Variants in NFIB observed in about 807,000 individuals in gnomAD.
NFIB encodes nuclear factor 1 B-type.
Under a neutral mutation model 61.5 loss-of-function variants are expected in NFIB, and 11 were observed. That is an observed-to-expected ratio of 0.18 (90% CI 0.11 to 0.30). The LOEUF (loss-of-function observed/expected upper bound fraction) is 0.30. Among genes scored for constraint, NFIB ranks in the 10% least tolerant of loss-of-function variants. The pLI is 1.00. For synonymous variants in NFIB, 260 were observed against 216.5 expected, an observed-to-expected ratio of 1.20 and a Z score of -1.76; for missense variants, 471 against 608.9, an observed-to-expected ratio of 0.77 and a Z score of 2.38.
intron 7 of NFIB, among the ~76,000 whole-genome samples, chr9:14,123,671 T>C (rs533432800): frequency 1.2e-3 from 180 of 152,338 alleles, no homozygotes; most frequent in Middle Eastern, 0.01. Flanking sequence ...AATGCACTGA[T>C]ACATGCTGTT....
the NFIB span, among the ~76,000 whole-genome samples, chr9:14,446,165 A>T: frequency 6.6e-6 from 1 of 151,846 alleles, no homozygotes; most frequent in Non-Finnish European, 1.5e-5. Context: ...CCTCATTTTG[A>T]TTTTGGTTTT....
intron 2 of NFIB, among the ~76,000 whole-genome samples, chr9:14,192,311 A>T (rs1356723837): frequency 1.3e-5 from 2 of 152,252 alleles, no homozygotes; most frequent in Non-Finnish European, 2.9e-5. Flanking sequence ...AAAAATTAGT[A>T]ACTCAACACC....
At chr9:14,409,824 G>A in the NFIB span, among the ~76,000 whole-genome samples, 1 of 152,162 alleles carries the variant, frequency 6.6e-6, no homozygotes, top group Non-Finnish European at 1.5e-5. Flanking sequence ...AGTCTGATAA[G>A]AGAAGGTATT....
chr9:14,176,708 G>A (rs1215049306), intron 3 of NFIB, among the ~76,000 whole-genome samples: 1 of 152,052 alleles, frequency 6.6e-6, no homozygotes, highest in African/African-American at 2.4e-5. Flanking sequence ...ATAGTTTGAA[G>A]AGCTTTAGGG....
intron 2 of NFIB, among the ~76,000 whole-genome samples, chr9:14,279,091 G>C (rs2058198522): frequency 6.6e-6 from 1 of 152,066 alleles, no homozygotes; most frequent in South Asian, 2.1e-4. Context: ...CAGAGAGAGT[G>C]TGCCTACAAT....
intron 2 of NFIB, among the ~76,000 whole-genome samples, chr9:14,244,956 A>G (rs1415596504): frequency 6.6e-6 from 1 of 152,136 alleles, no homozygotes; most frequent in Admixed American, 6.5e-5. Flanking sequence ...CCTCCTACTT[A>G]TCTGACTTCT....
intron 2 of NFIB, among the ~76,000 whole-genome samples, chr9:14,253,584 T>C (rs2055891000): frequency 1.3e-5 from 2 of 152,134 alleles, no homozygotes; most frequent in Non-Finnish European, 2.9e-5. Flanking sequence ...TAGTCCCAAC[T>C]ACTTGGGTGG....
intron 1 of NFIB, among the ~76,000 whole-genome samples, chr9:14,391,814 A>G (rs543785099): frequency 6.6e-6 from 1 of 152,200 alleles, no homozygotes; most frequent in African/African-American, 2.4e-5. Context: ...CAAGTTGCCT[A>G]CTTGGCCCTC....
chr9:14,169,898 C>T (rs1046207799), intron 3 of NFIB, among the ~76,000 whole-genome samples: 4 of 152,138 alleles, frequency 2.6e-5, no homozygotes, highest in Admixed American at 6.5e-5. Flanking sequence ...TTCATAGTCA[C>T]GGAGAAGGAA....
chr9:14,387,871 C>A (rs973871733), intron 1 of NFIB, among the ~76,000 whole-genome samples: 2 of 152,178 alleles, frequency 1.3e-5, no homozygotes, highest in Admixed American at 1.3e-4. Flanking sequence ...ACTCATAGAG[C>A]ACAGTGGGGT....
At chr9:14,198,751 G>C (rs1252686683) in intron 2 of NFIB, among the ~76,000 whole-genome samples, 3 of 152,200 alleles carry the variant, frequency 2.0e-5, no homozygotes, top group African/African-American at 7.2e-5. Flanking sequence ...GTGTACAAGG[G>C]ACTTGGCTGC....
At chr9:14,222,848 G>A (rs1249915470) in intron 2 of NFIB, among the ~76,000 whole-genome samples, 2 of 148,860 alleles carry the variant, frequency 1.3e-5, no homozygotes, top group South Asian at 2.1e-4. Flanking sequence ...ATTCCTTGCA[G>A]ACCAGCTCAA....
intron 1 of NFIB, among the ~76,000 whole-genome samples, chr9:14,391,947 G>C (rs1215393840): frequency 6.6e-6 from 1 of 152,162 alleles, no homozygotes; most frequent in Non-Finnish European, 1.5e-5. Context: ...CTGGCCGTCA[G>C]CTGAATTCTT....
At chr9:14,504,876 G>C in the NFIB span, among the ~76,000 whole-genome samples, 10 of 152,172 alleles carry the variant, frequency 6.6e-5, no homozygotes, top group Admixed American at 6.6e-5. Flanking sequence ...ATGTTGAATA[G>C]AAGTGGTGAA....
intron 1 of NFIB, among the ~76,000 whole-genome samples, chr9:14,351,475 C>A: frequency 6.6e-6 from 1 of 152,170 alleles, no homozygotes; most frequent in East Asian, 1.9e-4. Flanking sequence ...GGGCATCTCC[C>A]CTGTCAGGAA....
intron 1 of NFIB, among the ~76,000 whole-genome samples, chr9:14,392,267 G>C (rs2061631573): frequency 6.6e-6 from 1 of 152,170 alleles, no homozygotes; most frequent in South Asian, 2.1e-4. Context: ...TTTGAATATA[G>C]ATGGACTTCA....
chr9:14,265,922 G>A (rs1459898812), intron 2 of NFIB, among the ~76,000 whole-genome samples: 1 of 152,150 alleles, frequency 6.6e-6, no homozygotes, highest in Admixed American at 6.5e-5. Flanking sequence ...CTTCAACAAG[G>A]GGAGATCAAC....
intron 1 of NFIB, among the ~76,000 whole-genome samples, chr9:14,337,015 T>C (rs2060893465): frequency 6.6e-6 from 1 of 152,228 alleles, no homozygotes; most frequent in Non-Finnish European, 1.5e-5. Flanking sequence ...AACTTTTCCA[T>C]GTCATGGGAT....
the NFIB span, among the ~76,000 whole-genome samples, chr9:14,414,349 T>G: frequency 6.0e-5 from 9 of 149,818 alleles, no homozygotes; most frequent in Non-Finnish European, 1.0e-4. Flanking sequence ...GCAGGAGAAT[T>G]GCTTGAACCC....
Sources: gnomAD v4.1 joint callset for allele counts (sites outside exome capture counted in the v4.1 genomes callset) on GRCh38, gnomAD v4.1.1 for gene constraint, MANE v1.5 for transcripts, NCBI Gene and HGNC (gene_info 2026-07-23, HGNC 2026-07-21) for gene names.